SMYD3: variants seen among roughly 807,000 people sequenced by gnomAD.
SMYD3 encodes histone-lysine N-methyltransferase SMYD3.
Under a neutral mutation model 57.7 loss-of-function variants are expected in SMYD3, and 36 were observed. The ratio of observed to expected loss-of-function variants is 0.62; its 90% CI spans 0.48 to 0.82. The LOEUF is 0.82. SMYD3 is among the 40% of genes least tolerant of loss of function. SMYD3 has a pLI of 0.00. For synonymous variants in SMYD3, 211 were observed against 195.0 expected, an observed-to-expected ratio of 1.08 and a Z score of -0.68; for missense variants, 515 against 538.8, an observed-to-expected ratio of 0.96 and a Z score of 0.44.
At chr1:245,896,392 A>AAAAAG (rs2053791052) in intron 8 of SMYD3, among the ~76,000 whole-genome samples, 1 of 150,578 alleles carries the variant, frequency 6.6e-6, no homozygotes. Context: ...GCCAAGTCAA[A>AAAAAG]AAAAAAAAAA....
intron 5 of SMYD3, among the ~76,000 whole-genome samples, chr1:246,208,568 T>G (rs144831848): frequency 5.2e-4 from 79 of 152,270 alleles, no homozygotes; most frequent in African/African-American, 1.8e-3. Context: ...AATTCTTAGA[T>G]GCAAACACGC....
At chr1:246,395,082 A>T (rs1343745194) in intron 1 of SMYD3, among the ~76,000 whole-genome samples, 1 of 152,222 alleles carries the variant, frequency 6.6e-6, no homozygotes, top group Non-Finnish European at 1.5e-5. Flanking sequence ...GAACCTAGCT[A>T]TGCTTTATGA....
At chr1:245,990,269 T>G (rs1310029988) in intron 5 of SMYD3, among the ~76,000 whole-genome samples, 1 of 152,124 alleles carries the variant, frequency 6.6e-6, no homozygotes, top group Non-Finnish European at 1.5e-5. Context: ...TTTTATTTTT[T>G]GTAAAGACAG....
chr1:245,833,073 A>AAAAAAAAAAAAAAACAAAAAAC, intron 10 of SMYD3, among the ~76,000 whole-genome samples: 1 of 128,650 alleles, frequency 7.8e-6, no homozygotes, highest in East Asian at 3.4e-4. Context: ...AAAAAAAAAA[A>AAAAAAAAAAAAAAACAAAAAAC]AACCTGCTTT....
chr1:246,169,714 G>A (rs1180620294), intron 5 of SMYD3, among the ~76,000 whole-genome samples: 2 of 152,022 alleles, frequency 1.3e-5, no homozygotes, highest in African/African-American at 4.8e-5. Flanking sequence ...GACCAGCCTG[G>A]CCAACACGGT....
chr1:245,778,295 C>A (rs2046685544), intron 10 of SMYD3, among the ~76,000 whole-genome samples: 2 of 152,170 alleles, frequency 1.3e-5, no homozygotes, highest in South Asian at 4.1e-4. Context: ...GTAATCAAGA[C>A]AGTGTGGCAC....
chr1:246,094,611 A>G (rs2060881372), intron 5 of SMYD3, among the ~76,000 whole-genome samples: 1 of 152,174 alleles, frequency 6.6e-6, no homozygotes, highest in Non-Finnish European at 1.5e-5. Context: ...GGTTGTAACA[A>G]GGTCAAAGAA....
rs143476169 is a variant in SMYD3, at chr1:246,247,444, ACTCTCTCTCT to A, written c.531+79747_531+79756del. Reference sequence around the variant, plus strand: ...CTGTGGTTTAAGAAAGAGAAGGATAACTCTCTCTCTCTCTCTCTCTCTATATATATATATA... The same window carrying A: ...CTGTGGTTTAAGAAAGAGAAGGATAACTCTCTCTCTCTATATATATATATA... On this transcript the variant is annotated intron_variant, in intron 5 of 11. Coordinates refer to ENST00000490107, the MANE Select transcript of SMYD3 (RefSeq NM_001167740.2). 5.3e-4 allele frequency among the ~76,000 whole-genome samples: 76 copies of A among 142,860 alleles called. 1 individual carries two copies. The highest frequency in any genetic ancestry group is 1.9e-3 in the African/African-American group (74 of 38,334). The allele number at this position is 142,860 out of a possible 152,430, so 93.7% of individuals were successfully genotyped here.
chr1:246,040,590 C>T (rs1391855935), intron 5 of SMYD3, among the ~76,000 whole-genome samples: 1 of 152,230 alleles, frequency 6.6e-6, no homozygotes, highest in Non-Finnish European at 1.5e-5. Context: ...ATAAATCCTT[C>T]TGGATGTCAA....
chr1:245,792,114 C>A (rs1236999183), intron 10 of SMYD3, among the ~76,000 whole-genome samples: 1 of 152,080 alleles, frequency 6.6e-6, no homozygotes, highest in Non-Finnish European at 1.5e-5. Flanking sequence ...TGAGCCAACT[C>A]ATTCATTCAT....
intron 10 of SMYD3, among the ~76,000 whole-genome samples, chr1:245,766,566 T>C (rs6605244): frequency 0.45 from 67,894 of 151,880 alleles, 16,777 homozygotes; most frequent in East Asian, 0.87. Context: ...TGTGTAGAAA[T>C]GACTTTAAGA....
At chr1:246,408,908 G>T (rs2066914502) in intron 1 of SMYD3, among the ~76,000 whole-genome samples, 1 of 152,126 alleles carries the variant, frequency 6.6e-6, no homozygotes, top group African/African-American at 2.4e-5. Context: ...GACCTCAAAT[G>T]ATCTGCCCGC....
At chr1:246,265,887 A>G (rs1452099791) in intron 5 of SMYD3, among the ~76,000 whole-genome samples, 1 of 152,218 alleles carries the variant, frequency 6.6e-6, no homozygotes, top group Non-Finnish European at 1.5e-5. Context: ...GTTAATGAGA[A>G]GATGGATTTT....
chr1:246,273,642 T>A (rs565166570), intron 5 of SMYD3, among the ~76,000 whole-genome samples: 1 of 137,624 alleles, frequency 7.3e-6, no homozygotes, highest in Non-Finnish European at 1.5e-5. Flanking sequence ...GGGAGTGCAG[T>A]GGCACGATCT....
At chr1:246,133,072 C>T (rs2061611771) in intron 5 of SMYD3, among the ~76,000 whole-genome samples, 1 of 151,736 alleles carries the variant, frequency 6.6e-6, no homozygotes, top group Non-Finnish European at 1.5e-5. Context: ...CTACAAAAAA[C>T]AGTATGGCAT....
intron 10 of SMYD3, among the ~76,000 whole-genome samples, chr1:245,815,522 C>T (rs1178121444): frequency 6.6e-6 from 1 of 152,208 alleles, no homozygotes; most frequent in Non-Finnish European, 1.5e-5. Flanking sequence ...TGGGGCCTAG[C>T]CCCCAAGTGA....
intron 5 of SMYD3, among the ~76,000 whole-genome samples, chr1:246,211,410 A>G (rs1323000955): frequency 6.6e-6 from 1 of 152,140 alleles, no homozygotes; most frequent in Admixed American, 6.5e-5. Flanking sequence ...CACATCTCAC[A>G]TCTCTGTTAA....
intron 5 of SMYD3, among the ~76,000 whole-genome samples, chr1:246,124,933 G>A (rs1032832518): frequency 6.6e-5 from 10 of 152,046 alleles, no homozygotes; most frequent in African/African-American, 2.2e-4. Flanking sequence ...TTAGCCGGGC[G>A]TGGTGGCGGG....
At chr1:245,786,553 A>C (rs2047056646) in intron 10 of SMYD3, among the ~76,000 whole-genome samples, 1 of 152,106 alleles carries the variant, frequency 6.6e-6, no homozygotes, top group South Asian at 2.1e-4. Flanking sequence ...CTCACCTAAC[A>C]GTCATGTACG....
Sources: gnomAD v4.1 joint callset for allele counts (sites outside exome capture counted in the v4.1 genomes callset) on GRCh38, gnomAD v4.1.1 for gene constraint, MANE v1.5 for transcripts, NCBI Gene and HGNC (gene_info 2026-07-23, HGNC 2026-07-21) for gene names.